Variants in MIB1 observed in about 807,000 individuals in gnomAD.
MIB1 encodes the protein MIB E3 ubiquitin protein ligase 1, also known as E3 ubiquitin-protein ligase MIB1.
MIB1 carries 278 observed loss-of-function variants against 124.5 expected under a neutral mutation model. The ratio of observed to expected loss-of-function variants is 2.23; its 90% CI spans 2.02 to 2.47. The LOEUF (loss-of-function observed/expected upper bound fraction) is 2.47. Ranked by LOEUF, MIB1 falls within the 30% of genes most tolerant of loss-of-function variation. The pLI is 0.00. For synonymous variants in MIB1, 446 were observed against 429.4 expected (o/e 1.04, Z -0.48); for missense variants, 957 against 1,254.4 (o/e 0.76, Z 3.58).
At position 21,819,646 on chromosome 18, in the gene MIB1, G is replaced by T. The variant is rs747397696; in HGVS notation, c.1829G>T (p.Ser610Ile). ...LHHAALRGNP[S>I]AMRVLLSKLP... ...CATGCTGCACTAAGGGGAAATCCCA[G>T]GTATGTCACCCCTTACTATTTTAGG... Residue 610 changes from serine (S) to isoleucine (I), a missense_variant and splice_region_variant, in exon 12 of 21, where the codon AGT becomes ATT. By Grantham distance (142) the Ser-to-Ile change is moderately radical. Coordinates refer to ENST00000261537, the MANE Select transcript of MIB1 (RefSeq NM_020774.4). 2.0e-6 allele frequency: 3 copies of T among 1,525,820 alleles called. No homozygotes were observed. The South Asian group carries it at 4.1e-5, about 21-fold the overall frequency. 94.5% of individuals were successfully genotyped at this position (1,525,820 alleles called of 1,614,324 possible). A position where few individuals can be genotyped will look rare whatever the true frequency, so the allele number is the denominator to read the frequency against.
At position 21,857,222 on chromosome 18, in the gene MIB1, G is replaced by T; in HGVS notation, c.2758G>T (p.Glu920Ter). The T allele has an allele frequency of 1.2e-6, 2 of 1,613,550 alleles. No homozygotes were observed. The highest frequency in any genetic ancestry group is 1.7e-6 in the Non-Finnish European group (2 of 1,179,472). Residue 920 changes from glutamate to a stop codon, truncating the protein, a stop_gained, in exon 19 of 21, where the codon GAA becomes TAA. Coordinates refer to ENST00000261537, the MANE Select transcript of MIB1 (RefSeq NM_020774.4). LOFTEE classifies it high-confidence loss of function. ...FIMCCGGKSSEDATDDISSGN... is the reference protein window; with the variant it reads ...FIMCCGGKSS ...TATGTGCTGTGGAGGGAAAAGTTCAGAAGATGCCACTGATGATATCTGTAA... is the reference window on the plus strand; with the variant it reads ...TATGTGCTGTGGAGGGAAAAGTTCATAAGATGCCACTGATGATATCTGTAA...
At chr18:21,822,193 G>T (rs543735848) in intron 12 of MIB1, among the ~76,000 whole-genome samples, 1 of 152,288 alleles carries the variant, frequency 6.6e-6, no homozygotes, top group African/African-American at 2.4e-5. Flanking sequence ...AGATTTTATT[G>T]AGAGAATTTA....
chr18:21,819,346 A>G (rs751372612), intron 11 of MIB1, 149 bp from the exon 12 acceptor site: 203 of 535,146 alleles, frequency 3.8e-4, no homozygotes, highest in Middle Eastern at 9.5e-4. Context: ...GCCTTTGCCT[A>G]TATTTTTGTA....
intron 10 of MIB1, among the ~76,000 whole-genome samples, chr18:21,814,881 C>T (rs2041810719): frequency 6.7e-6 from 1 of 149,404 alleles, no homozygotes; most frequent in Admixed American, 6.7e-5. Context: ...GCCTAGGACC[C>T]TGATTCTTTA....
intron 7 of MIB1, among the ~76,000 whole-genome samples, chr18:21,793,720 A>T (rs1414791268): frequency 1.5e-5 from 2 of 137,900 alleles, no homozygotes; most frequent in Non-Finnish European, 3.0e-5. Context: ...GGTTGAGGCT[A>T]CAGTGAGCAG....
intron 11 of MIB1, among the ~76,000 whole-genome samples, chr18:21,819,290 C>T (rs1293129336): frequency 1.3e-5 from 2 of 152,198 alleles, no homozygotes; most frequent in Admixed American, 6.5e-5. Context: ...CCTCCCGCCT[C>T]AGCCTCCCAA....
chr18:21,795,231 A>G (rs2146448019), intron 7 of MIB1, among the ~76,000 whole-genome samples: 1 of 147,210 alleles, frequency 6.8e-6, no homozygotes, highest in Non-Finnish European at 1.5e-5. Flanking sequence ...GACTAATTTC[A>G]GTATTGCACA....
chr18:21,816,507 C>T (rs750458345), intron 11 of MIB1, among the ~76,000 whole-genome samples: 16 of 152,052 alleles, frequency 1.1e-4, no homozygotes, highest in Admixed American at 2.6e-4. Flanking sequence ...GTTCCTTAAC[C>T]GAATAGGCTT....
intron 1 of MIB1, among the ~76,000 whole-genome samples, chr18:21,734,999 T>C (rs1272993786): frequency 2.0e-5 from 3 of 152,242 alleles, no homozygotes; most frequent in Non-Finnish European, 2.9e-5. Flanking sequence ...TCTCCTTGTG[T>C]ATTTTCTTTC....
At chr18:21,724,731 T>TAG (rs2040732913) in intron 1 of MIB1, among the ~76,000 whole-genome samples, 1 of 40,864 alleles carries the variant, frequency 2.4e-5, no homozygotes. Flanking sequence ...AAAAAAAATA[T>TAG]ATATATATAT....
intron 1 of MIB1, among the ~76,000 whole-genome samples, chr18:21,724,679 T>C: frequency 8.3e-6 from 1 of 120,874 alleles, no homozygotes; most frequent in East Asian, 2.5e-4. Flanking sequence ...CACTCCTGCC[T>C]GGGCGACAGA....
At chr18:21,774,327 G>A (rs1211836788) in intron 4 of MIB1, among the ~76,000 whole-genome samples, 1 of 152,166 alleles carries the variant, frequency 6.6e-6, no homozygotes, top group African/African-American at 2.4e-5. Flanking sequence ...GGTGGCTCAC[G>A]CCTGTAATCC....
upstream of MIB1, among the ~76,000 whole-genome samples, chr18:21,737,176 C>A (rs1026352403): frequency 6.6e-6 from 1 of 152,156 alleles, no homozygotes; most frequent in East Asian, 1.9e-4. Flanking sequence ...AGACTAACAG[C>A]GGATCTCTCG....
intron 1 of MIB1, among the ~76,000 whole-genome samples, chr18:21,756,630 A>G (rs1486155771): frequency 6.6e-6 from 1 of 152,006 alleles, no homozygotes; most frequent in Non-Finnish European, 1.5e-5. Flanking sequence ...GTGGCCGGCA[A>G]ATTTTGTATT....
intron 1 of MIB1, among the ~76,000 whole-genome samples, chr18:21,732,478 C>CCTCCAT (rs1452140059): frequency 1.3e-5 from 2 of 151,694 alleles, no homozygotes. Flanking sequence ...CTTACTGCAA[C>CCTCCAT]CTCCATCTCC....
At chr18:21,766,071 T>C (rs1162846309) in intron 2 of MIB1, 128 bp downstream of exon 2, 9 of 825,826 alleles carry the variant, frequency 1.1e-5, no homozygotes, top group African/African-American at 6.9e-5. Context: ...AGGTACCCAA[T>C]AGTAGGATAG....
In MIB1 at chr18:21,868,202, A is replaced by T. The variant is rs576123010; in HGVS notation, c.*3536A>T. ...GTTCAGCCATGTGAAGTACATTTAC[A>T]CTGTTGTGAAGCAGATCTCCAGAAC... On this transcript the variant is annotated 3_prime_UTR_variant, in exon 21 of 21. Transcript: ENST00000261537. 1 of 152,038 alleles carries T rather than the reference A, an allele frequency of 6.6e-6. No homozygotes were observed. Among genetic ancestry groups the T allele is most frequent in the Non-Finnish European group, 1.5e-5 (1 of 67,918 alleles). The allele number at this position is 152,038 out of a possible 1,614,324, so 9.4% of individuals were successfully genotyped here.
At chr18:21,801,110 T>C (rs952051742) in intron 9 of MIB1, among the ~76,000 whole-genome samples, 16 of 152,298 alleles carry the variant, frequency 1.1e-4, no homozygotes, top group Admixed American at 7.2e-4. Context: ...TATTTTCCTG[T>C]TCTACAGAGG....
chr18:21,768,776 T>G (rs2041194079), intron 3 of MIB1, 24 bp downstream of exon 3: 1 of 1,593,326 alleles, frequency 6.3e-7, no homozygotes, highest in Admixed American at 1.7e-5. Context: ...CTGAATTCAT[T>G]ATGTATTCTA....
Sources: gnomAD v4.1 joint callset for allele counts (sites outside exome capture counted in the v4.1 genomes callset) on GRCh38, gnomAD v4.1.1 for gene constraint, MANE v1.5 for transcripts, NCBI Gene and HGNC (gene_info 2026-07-23, HGNC 2026-07-21) for gene names.